The following SUGCT variants were observed in gnomAD, a reference collection of about 807,000 sequenced individuals.
SUGCT encodes succinyl-CoA:glutarate CoA-transferase.
Under a neutral mutation model 55.0 loss-of-function variants are expected in SUGCT, and 41 were observed. That is an observed-to-expected ratio of 0.74 (90% CI 0.58 to 0.97). The LOEUF is 0.97. Among genes scored for constraint, SUGCT ranks in the 50% least tolerant of loss-of-function variants. The pLI, the probability that SUGCT is intolerant of heterozygous loss-of-function variation, is 0.00. For synonymous variants in SUGCT, 187 were observed against 200.4 expected, an observed-to-expected ratio of 0.93 and a Z score of 0.56; for missense variants, 568 against 547.8, an observed-to-expected ratio of 1.04 and a Z score of -0.37.
chr7:40,385,486 A>G (rs541831106), intron 9 of SUGCT, among the ~76,000 whole-genome samples: 91 of 152,302 alleles, frequency 6.0e-4, no homozygotes, highest in African/African-American at 2.0e-3. Flanking sequence ...TAAAAAAGAT[A>G]TAATTGCTCG....
intron 12 of SUGCT, among the ~76,000 whole-genome samples, chr7:40,601,389 T>A (rs971455061): frequency 6.6e-6 from 1 of 152,214 alleles, no homozygotes; most frequent in Non-Finnish European, 1.5e-5. Context: ...CAAGAACACA[T>A]GTCCTTGCCA....
chr7:40,229,246 C>T (rs953355032), intron 6 of SUGCT, among the ~76,000 whole-genome samples: 16 of 152,166 alleles, frequency 1.1e-4, no homozygotes, highest in Admixed American at 2.6e-4. Flanking sequence ...GCGCTGGGTG[C>T]GGTGGCTCAC....
rs1231631483 is a variant in SUGCT at position 40,415,384 on chromosome 7, G to T, written c.817-33903G>T. ...AGTTTGACTCTGTTTATGTTTATTG[G>T]ACATTTGCATTTCCTGTTCTTTTTT... On this transcript the variant is annotated intron_variant, in intron 9 of 13. Transcript: ENST00000335693. Among the ~76,000 whole-genome samples the T allele has an allele frequency of 2.7e-5, 4 of 150,244 alleles. No individual in the cohort carries two copies. The East Asian group carries it at 7.8e-4, about 29-fold the overall frequency.
intron 11 of SUGCT, among the ~76,000 whole-genome samples, chr7:40,491,659 CA>C (rs11356280): frequency 0.26 from 38,958 of 147,528 alleles, 6,592 homozygotes; most frequent in African/African-American, 0.49. Context: ...CTGGGAGTGT[CA>C]AAAAAAAAAG....
At chr7:40,180,164 G>GC (rs1431341430) in intron 1 of SUGCT, among the ~76,000 whole-genome samples, 1 of 151,376 alleles carries the variant, frequency 6.6e-6, no homozygotes, top group Non-Finnish European at 1.5e-5. Context: ...TTGCTGTGTC[G>GC]CTCAGGTGGA....
intron 7 of SUGCT, among the ~76,000 whole-genome samples, chr7:40,243,802 A>G (rs1007686112): frequency 2.0e-5 from 3 of 152,328 alleles, no homozygotes; most frequent in Admixed American, 6.5e-5. Context: ...CTCACAATTT[A>G]AAAAAACTTA....
intron 7 of SUGCT, among the ~76,000 whole-genome samples, chr7:40,250,777 G>A (rs1400103465): frequency 6.7e-6 from 1 of 150,366 alleles, no homozygotes. Flanking sequence ...TCCTGTGGGG[G>A]TTGAGAGGAG....
chr7:40,886,695 A>C, the SUGCT span, among the ~76,000 whole-genome samples: 1 of 152,202 alleles, frequency 6.6e-6, no homozygotes, highest in Non-Finnish European at 1.5e-5. Flanking sequence ...TAGGCCTGCT[A>C]ACTAGCCAAC....
chr7:40,781,316 T>C (rs760429179), intron 13 of SUGCT, among the ~76,000 whole-genome samples: 30 of 152,154 alleles, frequency 2.0e-4, no homozygotes, highest in Non-Finnish European at 3.8e-4. Context: ...TAAGCTTTTC[T>C]CCTGAATAAA....
intron 12 of SUGCT, chr7:40,539,498 A>T (rs1794557435): frequency 6.6e-6 from 1 of 152,196 alleles, no homozygotes; most frequent in South Asian, 2.1e-4. Context: ...GCAGCAAGCA[A>T]AAAGAAGGCA....
At chr7:40,912,458 G>A in the SUGCT span, among the ~76,000 whole-genome samples, 34 of 152,222 alleles carry the variant, frequency 2.2e-4, no homozygotes, top group African/African-American at 7.9e-4. Context: ...GAAAACTTTA[G>A]CAGCTGAAAC....
At chr7:40,590,931 T>C (rs1797685215) in intron 12 of SUGCT, among the ~76,000 whole-genome samples, 1 of 152,210 alleles carries the variant, frequency 6.6e-6, no homozygotes, top group African/African-American at 2.4e-5. Flanking sequence ...TTTAAAATAT[T>C]ATTTCTCATT....
intron 13 of SUGCT, among the ~76,000 whole-genome samples, chr7:40,818,474 C>T (rs546929455): frequency 1.3e-5 from 2 of 152,348 alleles, no homozygotes; most frequent in South Asian, 4.1e-4. Flanking sequence ...ACTACTTCTT[C>T]ATAAAGAACT....
intron 7 of SUGCT, among the ~76,000 whole-genome samples, chr7:40,271,977 C>T (rs1161340722): frequency 6.6e-6 from 1 of 151,108 alleles, no homozygotes; most frequent in Admixed American, 6.6e-5. Context: ...TAATGTCCTC[C>T]AGTGACATCC....
chr7:40,788,248 A>G (rs1213620418), intron 13 of SUGCT, among the ~76,000 whole-genome samples: 1 of 152,222 alleles, frequency 6.6e-6, no homozygotes, highest in East Asian at 1.9e-4. Flanking sequence ...CCCGGCCAGC[A>G]TGCAGTCAAA....
chr7:40,612,196 G>A (rs1420084388), intron 12 of SUGCT, among the ~76,000 whole-genome samples: 5 of 152,044 alleles, frequency 3.3e-5, no homozygotes, highest in Non-Finnish European at 5.9e-5. Flanking sequence ...TATTATTTAG[G>A]TAATATTAGA....
intron 7 of SUGCT, among the ~76,000 whole-genome samples, chr7:40,250,760 T>C (rs1343635987): frequency 2.0e-5 from 3 of 151,268 alleles, no homozygotes; most frequent in African/African-American, 7.3e-5. Flanking sequence ...TAATCATTAC[T>C]AAAAGATCCT....
intron 9 of SUGCT, among the ~76,000 whole-genome samples, chr7:40,365,360 G>A (rs900983459): frequency 1.3e-5 from 2 of 151,562 alleles, no homozygotes; most frequent in African/African-American, 4.9e-5. Context: ...CACAAGACAG[G>A]GATGCCCTCT....
chr7:40,964,726 C>G, the SUGCT span: 49,448 of 152,020 alleles, frequency 0.33, 8,879 homozygotes, highest in Admixed American at 0.44. Context: ...TAAATTTCTA[C>G]TAGAAGAGTT....
Sources: allele counts gnomAD v4.1 joint callset (sites outside exome capture counted in the v4.1 genomes callset), GRCh38; gene constraint gnomAD v4.1.1; transcripts MANE v1.5; gene names NCBI Gene and HGNC (gene_info 2026-07-23, HGNC 2026-07-21).